TNNI3K: variants seen among roughly 807,000 people sequenced by gnomAD.
TNNI3K encodes serine/threonine-protein kinase TNNI3K.
Under a neutral mutation model 114.5 loss-of-function variants are expected in TNNI3K, and 140 were observed. That is an observed-to-expected ratio of 1.22 (90% CI 1.07 to 1.41). The LOEUF is 1.41. Among genes scored for constraint, TNNI3K ranks in the 40% most tolerant of loss-of-function variants. The pLI is 0.00. For missense variants in TNNI3K, 1,125 were observed against 1,007.6 expected (o/e 1.12, Z -1.58); for synonymous variants, 347 against 347.5 (o/e 1.00, Z 0.02).
rs764873787 is a variant in TNNI3K, at chr1:74,342,967, G to A, written c.808G>A (p.Gly270Arg). The A allele has an allele frequency of 6.2e-7, 1 of 1,613,816 alleles. No individual in the cohort carries two copies. Among genetic ancestry groups the A allele is most frequent in the South Asian group, 1.1e-5 (1 of 91,076 alleles). ...EVQPHVVNIYGDTPLHLACYN... is the reference protein window; with the variant it reads ...EVQPHVVNIYRDTPLHLACYN... ...TCAACCTCATGTTGTTAATATCTAT[G>A]GAGATACCCCCTTACACCTGTGAGT... The change falls in exon 8 of 25, where the codon GGA becomes AGA. Residue 270 changes from glycine (G) to arginine (R), a missense_variant. Physicochemically the swap from Gly to Arg is moderately radical, Grantham distance 125 (BLOSUM62 -2). Transcript: ENST00000326637.
At chr1:74,453,006 A>G (rs1235575503) in intron 20 of TNNI3K, among the ~76,000 whole-genome samples, 2 of 152,200 alleles carry the variant, frequency 1.3e-5, no homozygotes, top group Non-Finnish European at 2.9e-5. Context: ...ATTCTCCAAT[A>G]TCAAGTGCAA....
chr1:74,266,213 G>C (rs900796969), intron 4 of TNNI3K, among the ~76,000 whole-genome samples: 12 of 151,988 alleles, frequency 7.9e-5, no homozygotes, highest in African/African-American at 2.7e-4. Flanking sequence ...GAATTCTCTG[G>C]AGGCTTAACA....
chr1:74,380,783 A>T (rs528822931), intron 17 of TNNI3K, among the ~76,000 whole-genome samples: 1 of 152,110 alleles, frequency 6.6e-6, no homozygotes. Flanking sequence ...TAACCTTTCA[A>T]TAATGATATT....
intron 20 of TNNI3K, among the ~76,000 whole-genome samples, chr1:74,440,526 C>T (rs1298909366): frequency 5.3e-5 from 8 of 152,044 alleles, no homozygotes; most frequent in African/African-American, 1.9e-4. Flanking sequence ...TATGAGTACT[C>T]ATGTACAGAG....
chr1:74,405,183 T>G (rs1303310530), intron 17 of TNNI3K, among the ~76,000 whole-genome samples: 1 of 151,916 alleles, frequency 6.6e-6, no homozygotes, highest in African/African-American at 2.4e-5. Context: ...AGGTGCCAGT[T>G]GGATTATTCA....
In TNNI3K at chr1:74,391,957, A is replaced by ATTTTTT. The variant is rs34656417; in HGVS notation, c.1772+21586_1772+21591dup. Among the ~76,000 whole-genome samples the ATTTTTT allele has an allele frequency of 4.3e-4, 40 of 93,034 alleles. 3 individuals are homozygous for ATTTTTT. Among genetic ancestry groups the ATTTTTT allele is most frequent in the African/African-American group, 1.3e-3 (34 of 25,694 alleles). 61.0% of individuals were successfully genotyped at this position (93,034 alleles called of 152,430 possible). A position where few individuals can be genotyped will look rare whatever the true frequency, so the allele number is the denominator to read the frequency against. On this transcript the variant is annotated intron_variant, in intron 17 of 24. Coordinates refer to ENST00000326637, the MANE Select transcript of TNNI3K (RefSeq NM_015978.3). ...TTGATTTAGGATGGTACAGCTTATTATTTTTTTTTTTTTTTTTTTTTTTTT... is the reference window on the plus strand; with the variant it reads ...TTGATTTAGGATGGTACAGCTTATTATTTTTTTTTTTTTTTTTTTTTTTTTTTTTTT...
intron 4 of TNNI3K, among the ~76,000 whole-genome samples, chr1:74,254,171 T>TA (rs113450093): frequency 1.3e-5 from 2 of 152,126 alleles, no homozygotes; most frequent in Non-Finnish European, 2.9e-5. Flanking sequence ...TATTTTTTTT[T>TA]AGAACCATTT....
intron 20 of TNNI3K, among the ~76,000 whole-genome samples, chr1:74,451,625 T>G (rs190307185): frequency 1.1e-4 from 16 of 148,320 alleles, no homozygotes; most frequent in African/African-American, 3.8e-4. Context: ...CTTCCTTCCT[T>G]CCTTTTCTTT....
At chr1:74,276,010 T>C (rs1409877497) in intron 5 of TNNI3K, among the ~76,000 whole-genome samples, 2 of 152,212 alleles carry the variant, frequency 1.3e-5, no homozygotes, top group Middle Eastern at 3.4e-3. Context: ...ATAAGTAACA[T>C]GTTTAAAAGG....
intron 23 of TNNI3K, among the ~76,000 whole-genome samples, chr1:74,539,587 T>C (rs1440553111): frequency 6.6e-6 from 1 of 152,064 alleles, no homozygotes; most frequent in African/African-American, 2.4e-5. Flanking sequence ...GTAGGAATCA[T>C]TAGGAAATTC....
intron 4 of TNNI3K, among the ~76,000 whole-genome samples, chr1:74,265,398 CCACCACCTTACT>C (rs1180656342): frequency 1.3e-5 from 2 of 152,046 alleles, no homozygotes; most frequent in East Asian, 3.9e-4. Context: ...CCTTCTTTTA[CCACCACCTTACT>C]CAGTCATTGA....
At chr1:74,258,940 A>G (rs993601279) in intron 4 of TNNI3K, among the ~76,000 whole-genome samples, 2 of 152,212 alleles carry the variant, frequency 1.3e-5, no homozygotes, top group Admixed American at 6.5e-5. Flanking sequence ...TTTGATGTAA[A>G]CAATCTAGGT....
chr1:74,382,822 C>T (rs1460056913), intron 17 of TNNI3K, among the ~76,000 whole-genome samples: 1 of 152,100 alleles, frequency 6.6e-6, no homozygotes. Flanking sequence ...ATGATGTCTG[C>T]CTTCTTTTCT....
At chr1:74,244,334 G>A (rs143763423) in intron 2 of TNNI3K, among the ~76,000 whole-genome samples, 128 of 152,036 alleles carry the variant, frequency 8.4e-4, no homozygotes, top group African/African-American at 2.9e-3. Context: ...AACAAGCAGC[G>A]GCTCAGTTTA....
intron 5 of TNNI3K, among the ~76,000 whole-genome samples, chr1:74,315,413 T>G (rs1659252272): frequency 6.6e-6 from 1 of 152,152 alleles, no homozygotes; most frequent in African/African-American, 2.4e-5. Context: ...GTATTATTAT[T>G]GTGTATTTCA....
chr1:74,405,078 G>A (rs1056191171), intron 17 of TNNI3K, among the ~76,000 whole-genome samples: 2 of 152,100 alleles, frequency 1.3e-5, no homozygotes, highest in Non-Finnish European at 2.9e-5. Flanking sequence ...GTTAAGCATT[G>A]GCATCTACAG....
chr1:74,472,187 T>A (rs1348782432), intron 21 of TNNI3K: 1 of 716,816 alleles, frequency 1.4e-6, no homozygotes, highest in African/African-American at 1.7e-5. Flanking sequence ...CTTCTAAATA[T>A]GTCACTGCTG....
At chr1:74,472,349 A>G in intron 21 of TNNI3K, 1 of 591,592 alleles carries the variant, frequency 1.7e-6, no homozygotes, top group Non-Finnish European at 3.0e-6. Flanking sequence ...AACCAAACCT[A>G]CAAAGGACAT....
rs1234711047 is a variant in TNNI3K, at chr1:74,399,156, T to TAAA, written c.1772+28785_1772+28787dup. 7.8e-3 allele frequency among the ~76,000 whole-genome samples: 595 copies of TAAA among 76,742 alleles called. 2 individuals are homozygous for TAAA. Among genetic ancestry groups the TAAA allele is most frequent in the African/African-American group, 0.02 (411 of 20,658 alleles). 50.3% of individuals were successfully genotyped at this position (76,742 alleles called of 152,430 possible). On this transcript the variant is annotated intron_variant, in intron 17 of 24. Transcript: ENST00000326637. ...CCTGGGCAACAAGAGCAAAACCCAT[T>TAAA]AAAAAAAAAAAAAAAAAAAAAAACA...
Sources: allele counts gnomAD v4.1 joint callset (sites outside exome capture counted in the v4.1 genomes callset), GRCh38; gene constraint gnomAD v4.1.1; transcripts MANE v1.5; gene names NCBI Gene and HGNC (gene_info 2026-07-23, HGNC 2026-07-21).